Variants in CRY1 observed in about 807,000 individuals in gnomAD.
CRY1 encodes cryptochrome-1.
A neutral mutation model predicts 76.0 loss-of-function variants in CRY1; 45 were observed. That is an observed-to-expected ratio of 0.59 (90% CI 0.47 to 0.76). The LOEUF (loss-of-function observed/expected upper bound fraction) is 0.76. CRY1 is among the 30% of genes least tolerant of loss of function. CRY1 has a pLI of 0.00. For synonymous variants in CRY1, 248 were observed against 244.0 expected (o/e 1.02, Z -0.15); for missense variants, 587 against 716.4 (o/e 0.82, Z 2.06).
chr12:107,021,536 G>A (rs867247475), intron 2 of CRY1, among the ~76,000 whole-genome samples: 25 of 152,240 alleles, frequency 1.6e-4, no homozygotes, highest in Middle Eastern at 3.4e-3. Flanking sequence ...GGAATACTAT[G>A]AAGTCATCTG....
intron 2 of CRY1, among the ~76,000 whole-genome samples, chr12:107,006,701 AAGTGCAG>A (rs1952379806): frequency 1.1e-5 from 1 of 95,174 alleles, no homozygotes. Context: ...GCAGTGGCTG[AAGTGCAG>A]TGGCATGATC....
In CRY1 at chr12:106,997,474, A is replaced by G; in HGVS notation, c.1492+14T>C. On this transcript the variant is annotated intron_variant, in intron 9 of 12. Transcript: ENST00000008527. ...AAACAGCTGCCAAAGAAACAAAGACAGTTCTTAACATACCTAGTCCTCTAT... is the reference window on the plus strand; with the variant it reads ...AAACAGCTGCCAAAGAAACAAAGACGGTTCTTAACATACCTAGTCCTCTAT... The G allele has an allele frequency of 6.2e-7, 1 of 1,613,606 alleles. No homozygotes were observed.
intron 1 of CRY1, among the ~76,000 whole-genome samples, chr12:107,065,921 T>C (rs1953104786): frequency 6.6e-6 from 1 of 152,216 alleles, no homozygotes; most frequent in South Asian, 2.1e-4. Flanking sequence ...CCCTATAGGA[T>C]GTAGTTTCTA....
intron 1 of CRY1, among the ~76,000 whole-genome samples, chr12:107,070,985 T>A (rs1298934543): frequency 6.6e-6 from 1 of 151,870 alleles, no homozygotes; most frequent in African/African-American, 2.4e-5. Context: ...ATTACAGGCG[T>A]GAGCCACAGC....
At chr12:107,082,764 C>T (rs980375230) in intron 1 of CRY1, among the ~76,000 whole-genome samples, 16 of 152,074 alleles carry the variant, frequency 1.1e-4, no homozygotes, top group African/African-American at 3.9e-4. Flanking sequence ...AATCGACACC[C>T]TAACATCACA....
At chr12:107,032,584 C>T (rs56007877) in intron 1 of CRY1, among the ~76,000 whole-genome samples, 20,970 of 152,076 alleles carry the variant, frequency 0.14, 2,585 homozygotes, top group African/African-American at 0.32. Context: ...AGGCCAGGCA[C>T]GGTGGCTCAC....
chr12:106,993,484 G>A (rs112917305), intron 10 of CRY1, among the ~76,000 whole-genome samples: 2 of 151,682 alleles, frequency 1.3e-5, no homozygotes, highest in African/African-American at 4.8e-5. Flanking sequence ...AGAAGACACA[G>A]ACTATGTGGC....
intron 1 of CRY1, among the ~76,000 whole-genome samples, chr12:107,075,132 G>A (rs1953237039): frequency 1.3e-5 from 2 of 152,300 alleles, no homozygotes; most frequent in South Asian, 4.1e-4. Flanking sequence ...AGGCCATGCT[G>A]ACTGATGGAC....
chr12:107,080,770 G>C (rs930197914), intron 1 of CRY1, among the ~76,000 whole-genome samples: 1 of 152,080 alleles, frequency 6.6e-6, no homozygotes, highest in African/African-American at 2.4e-5. Flanking sequence ...CCTTAGTTTG[G>C]ATTGGGTTCA....
At chr12:107,065,440 A>G (rs1012260835) in intron 1 of CRY1, among the ~76,000 whole-genome samples, 1 of 152,076 alleles carries the variant, frequency 6.6e-6, no homozygotes, top group African/African-American at 2.4e-5. Flanking sequence ...TAAAAATACA[A>G]AAAAATTAAC....
intron 1 of CRY1, among the ~76,000 whole-genome samples, chr12:107,058,126 G>T (rs560474745): frequency 1.6e-4 from 24 of 152,106 alleles, no homozygotes; most frequent in Non-Finnish European, 3.1e-4. Flanking sequence ...AAAAGTTAAA[G>T]ATGAGAATAT....
At chr12:107,066,862 A>T (rs951901619) in intron 1 of CRY1, among the ~76,000 whole-genome samples, 1 of 151,978 alleles carries the variant, frequency 6.6e-6, no homozygotes, top group Non-Finnish European at 1.5e-5. Flanking sequence ...GTGGCACTGG[A>T]GATCATGGCT....
At chr12:107,000,488 T>A (rs144518006) in intron 5 of CRY1, among the ~76,000 whole-genome samples, 1 of 151,956 alleles carries the variant, frequency 6.6e-6, no homozygotes, top group African/African-American at 2.4e-5. Context: ...TAGCTGCGAC[T>A]ACAGGCATGC....
At chr12:107,085,808 T>A (rs1214278333) in intron 1 of CRY1, among the ~76,000 whole-genome samples, 1 of 151,808 alleles carries the variant, frequency 6.6e-6, no homozygotes, top group Non-Finnish European at 1.5e-5. Context: ...TGTACATGTA[T>A]CCCAGAACTT....
In CRY1 at chr12:107,093,067, G is replaced by A. The variant is rs1313708774; in HGVS notation, c.-106C>T. ...AGAATTGCCTCACCCGGGGCGTGAG[G>A]AAAGGGCGGCAGAGGGGGAACAGGA... On this transcript the variant is annotated 5_prime_UTR_variant, in exon 1 of 13. Transcript: ENST00000008527. The A allele has an allele frequency of 3.0e-6, 4 of 1,333,502 alleles. No homozygotes were observed. In the African/African-American group the frequency reaches 4.5e-5, roughly 15 times the overall value. The allele number at this position is 1,333,502 out of a possible 1,614,324, so 82.6% of individuals were successfully genotyped here. A position where few individuals can be genotyped will look rare whatever the true frequency, so the allele number is the denominator to read the frequency against.
At chr12:107,008,828 G>A (rs1193891399) in intron 2 of CRY1, among the ~76,000 whole-genome samples, 3 of 152,272 alleles carry the variant, frequency 2.0e-5, no homozygotes, top group East Asian at 1.9e-4. Context: ...AGTCTCACAA[G>A]GTCTGATGGT....
chr12:107,039,982 TATAAA>T (rs1952779874), intron 1 of CRY1, among the ~76,000 whole-genome samples: 1 of 152,096 alleles, frequency 6.6e-6, no homozygotes, highest in African/African-American at 2.4e-5. Flanking sequence ...TACACACAAA[TATAAA>T]ATACACACAC....
chr12:106,996,511 G>C (rs1374048077), intron 10 of CRY1, among the ~76,000 whole-genome samples: 7 of 152,106 alleles, frequency 4.6e-5, no homozygotes, highest in Non-Finnish European at 1.5e-5. Flanking sequence ...TCAGTCAAAT[G>C]GTATTCCTGC....
At chr12:107,090,394 C>A (rs149183597) in intron 1 of CRY1, among the ~76,000 whole-genome samples, 1 of 152,276 alleles carries the variant, frequency 6.6e-6, no homozygotes, top group African/African-American at 2.4e-5. Flanking sequence ...ACTTTCTTTA[C>A]TTGGCTTCTA....
Sources: allele counts gnomAD v4.1 joint callset (sites outside exome capture counted in the v4.1 genomes callset), GRCh38; gene constraint gnomAD v4.1.1; transcripts MANE v1.5; gene names NCBI Gene and HGNC (gene_info 2026-07-23, HGNC 2026-07-21).